BCAR3: variants seen among roughly 807,000 people sequenced by gnomAD.
BCAR3 encodes BCAR3 adaptor protein, NSP family member, also known as breast cancer anti-estrogen resistance protein 3.
Under a neutral mutation model 80.1 loss-of-function variants are expected in BCAR3, and 37 were observed. The observed-to-expected ratio is 0.46, with a 90% CI of 0.36 to 0.61. The LOEUF (loss-of-function observed/expected upper bound fraction) is 0.61. Ranked by LOEUF, BCAR3 falls within the 20% of genes least tolerant of loss-of-function variation. The pLI, the probability that BCAR3 is intolerant of heterozygous loss-of-function variation, is 0.00. For missense variants in BCAR3, 978 were observed against 1,068.2 expected (o/e 0.92, Z 1.18); for synonymous variants, 389 against 418.9 (o/e 0.93, Z 0.87).
At chr1:93,679,943 C>T (rs1201240961) in intron 1 of BCAR3, among the ~76,000 whole-genome samples, 2 of 152,098 alleles carry the variant, frequency 1.3e-5, no homozygotes, top group African/African-American at 2.4e-5. Context: ...GAAATGTAAC[C>T]GTCTCGGCTG....
chr1:93,773,497 A>C (rs1208892716), intron 2 of BCAR3, among the ~76,000 whole-genome samples: 1 of 152,228 alleles, frequency 6.6e-6, no homozygotes, highest in Admixed American at 6.5e-5. Flanking sequence ...CCTAAGAATC[A>C]GTGCCTGTCT....
intron 3 of BCAR3, among the ~76,000 whole-genome samples, chr1:93,638,128 A>G (rs1675852932): frequency 1.3e-5 from 2 of 152,248 alleles, no homozygotes; most frequent in Non-Finnish European, 2.9e-5. Context: ...AGACGCCTGT[A>G]GTTCCAGCTA....
intron 9 of BCAR3, 167 bp downstream of exon 9, chr1:93,571,500 GAAA>G (rs200297271): frequency 4.1e-6 from 3 of 726,412 alleles, no homozygotes; most frequent in African/African-American, 3.8e-5. Context: ...TCTCAAAAAA[GAAA>G]AAAAAAAGTA....
At chr1:93,832,787 T>C (rs966035862) in intron 2 of BCAR3, among the ~76,000 whole-genome samples, 2 of 152,164 alleles carry the variant, frequency 1.3e-5, no homozygotes, top group East Asian at 3.8e-4. Flanking sequence ...CCTTTTTAGT[T>C]ATCCCCACCT....
In BCAR3 at chr1:93,681,606, G is replaced by C. The variant is rs1231358279; in HGVS notation, c.-20C>G. ...GCGCGGCGGAGACTCACCTCCCGGC[G>C]CGGCGCTGGGCGCTCGGGCTCTCAG... is the stretch of plus-strand genomic sequence containing the variant. On this transcript the variant is annotated 5_prime_UTR_variant, in exon 1 of 12. Coordinates refer to ENST00000260502, the MANE Select transcript of BCAR3 (RefSeq NM_003567.4). 2.0e-5 allele frequency: 3 copies of C among 151,904 alleles called. No individual in the cohort carries two copies. The highest frequency in any genetic ancestry group is 7.2e-5 in the African/African-American group (3 of 41,398). 9.4% of individuals were successfully genotyped at this position (151,904 alleles called of 1,614,324 possible).
At chr1:93,700,681 G>A (rs1023697592) in intron 3 of BCAR3, among the ~76,000 whole-genome samples, 9 of 152,128 alleles carry the variant, frequency 5.9e-5, no homozygotes, top group African/African-American at 2.2e-4. Flanking sequence ...CTCCGGCAAC[G>A]ACTCTGAATA....
intron 2 of BCAR3, among the ~76,000 whole-genome samples, chr1:93,718,972 G>T (rs1287563367): frequency 6.6e-6 from 1 of 151,862 alleles, no homozygotes; most frequent in African/African-American, 2.4e-5. Flanking sequence ...AAAGTGTTAG[G>T]ATTACAAGTG....
intron 3 of BCAR3, among the ~76,000 whole-genome samples, chr1:93,614,844 A>C (rs1430967892): frequency 1.3e-5 from 2 of 152,030 alleles, no homozygotes; most frequent in Non-Finnish European, 2.9e-5. Context: ...TGCGTAACCT[A>C]GATCCTGCAC....
At chr1:93,843,138 A>G (rs1655020641) in intron 2 of BCAR3, among the ~76,000 whole-genome samples, 1 of 152,184 alleles carries the variant, frequency 6.6e-6, no homozygotes, top group Non-Finnish European at 1.5e-5. Flanking sequence ...GAAAATAAAA[A>G]TGTGCCTAAG....
rs1174152760 is a variant in BCAR3 at position 93,571,698 on chromosome 1, G to C, written c.1946C>G (p.Ala649Gly). The change falls in exon 9 of 12, where the codon GCT (alanine) becomes GGT (glycine). Residue 649 changes from alanine to glycine, a missense_variant. Ala to Gly is a moderately conservative substitution (Grantham distance 60). Coordinates refer to ENST00000260502, the MANE Select transcript of BCAR3 (RefSeq NM_003567.4). ...TGGCATTTCCAGGGCTTTCATGAGA[G>C]CTGAGAAGGAATAGAGGTCCCCCAT... ...DSMGDLYSFS[A>G]LMKALEMPQI... is the part of the protein sequence containing the mutation. 2 of 1,614,046 alleles carry C rather than the reference G, an allele frequency of 1.2e-6. No individual in the cohort carries two copies. Among genetic ancestry groups the C allele is most frequent in the East Asian group, 4.5e-5 (2 of 44,892 alleles).
At chr1:93,627,989 A>G (rs528786835) in intron 3 of BCAR3, among the ~76,000 whole-genome samples, 6 of 152,330 alleles carry the variant, frequency 3.9e-5, no homozygotes, top group South Asian at 2.1e-4. Flanking sequence ...AAAAATTAGA[A>G]ACTGAGAAAA....
chr1:93,616,500 T>G (rs1432614313), intron 3 of BCAR3, among the ~76,000 whole-genome samples: 1 of 152,222 alleles, frequency 6.6e-6, no homozygotes, highest in South Asian at 2.1e-4. Flanking sequence ...TACAAAGAAA[T>G]AGAGGACCAG....
intron 7 of BCAR3, among the ~76,000 whole-genome samples, chr1:93,581,513 C>A (rs1673707165): frequency 6.6e-6 from 1 of 151,924 alleles, no homozygotes; most frequent in Non-Finnish European, 1.5e-5. Flanking sequence ...CAGGTTCAAG[C>A]AATTCTCCTG....
intron 2 of BCAR3, among the ~76,000 whole-genome samples, chr1:93,742,109 A>G (rs12745888): frequency 0.12 from 17,866 of 152,202 alleles, 1,476 homozygotes; most frequent in African/African-American, 0.22. Flanking sequence ...CTCCTAAAAT[A>G]TCCCTTTGAA....
intron 2 of BCAR3, among the ~76,000 whole-genome samples, chr1:93,773,913 A>G (rs74101510): frequency 0.12 from 17,798 of 151,908 alleles, 1,465 homozygotes; most frequent in African/African-American, 0.22. Context: ...TCTATTCCCT[A>G]CTTGAATCCC....
At chr1:93,809,159 G>A (rs1386483298) in intron 2 of BCAR3, among the ~76,000 whole-genome samples, 1 of 152,146 alleles carries the variant, frequency 6.6e-6, no homozygotes, top group Non-Finnish European at 1.5e-5. Flanking sequence ...TATGTTCTTT[G>A]AAGTTGAGGA....
chr1:93,613,846 C>A, intron 3 of BCAR3: 1 of 1,550,474 alleles, frequency 6.4e-7, no homozygotes, highest in Non-Finnish European at 8.7e-7. Flanking sequence ...ACCAAACCTA[C>A]CTTGACTCCA....
rs1673844254 is a variant in BCAR3, at chr1:93,584,128, TAA to T, written c.930-9_930-8del. The T allele has an allele frequency of 6.2e-7, 1 of 1,612,426 alleles. No homozygotes were observed. On this transcript the variant is annotated splice_region_variant and splice_polypyrimidine_tract_variant and intron_variant, in intron 5 of 11. Transcript: ENST00000260502. The stretch of plus-strand genomic sequence containing the variant: ...ACCACTCTTTTCTTTGTTTCTGAAG[TAA>T]AAGACACATAGGATGGAAATGTGTT...
chr1:93,578,988 A>G (rs1570923672), intron 7 of BCAR3, among the ~76,000 whole-genome samples: 1 of 152,356 alleles, frequency 6.6e-6, no homozygotes, highest in East Asian at 1.9e-4. Flanking sequence ...ATTCAGGCTC[A>G]GTCGGGCCAA....
Sources: gnomAD v4.1 joint callset for allele counts (sites outside exome capture counted in the v4.1 genomes callset) on GRCh38, gnomAD v4.1.1 for gene constraint, MANE v1.5 for transcripts, NCBI Gene and HGNC (gene_info 2026-07-23, HGNC 2026-07-21) for gene names.